Variants in LSAMP observed in about 807,000 individuals in gnomAD.
LSAMP encodes limbic system-associated membrane protein.
LSAMP carries 7 observed loss-of-function variants against 38.6 expected under a neutral mutation model. That is an observed-to-expected ratio of 0.18 (90% CI 0.10 to 0.34). The LOEUF is 0.34. LSAMP is among the 10% of genes least tolerant of loss of function. The pLI, the probability that LSAMP is intolerant of heterozygous loss-of-function variation, is 1.00. For synonymous variants in LSAMP, 154 were observed against 166.8 expected, an observed-to-expected ratio of 0.92 and a Z score of 0.59; for missense variants, 313 against 420.0, an observed-to-expected ratio of 0.75 and a Z score of 2.23.
At chr3:116,025,991 T>C (rs1166962339) in intron 2 of LSAMP, among the ~76,000 whole-genome samples, 1 of 152,188 alleles carries the variant, frequency 6.6e-6, no homozygotes, top group Non-Finnish European at 1.5e-5. Flanking sequence ...GTGATCATAG[T>C]TCACTGCATC....
Position 115,946,584 on chromosome 3 carries a change from A to G in LSAMP, c.514+72931T>C, listed in dbSNP as rs542710486. ...AAAAACAATTTACCAAAATTGGCACAAGAAATACCAGAAATTCTAAATAGC... is the reference window on the plus strand; with the variant it reads ...AAAAACAATTTACCAAAATTGGCACGAGAAATACCAGAAATTCTAAATAGC... On this transcript the variant is annotated intron_variant, in intron 3 of 6. Coordinates refer to ENST00000490035, the MANE Select transcript of LSAMP (RefSeq NM_002338.5). Among the ~76,000 whole-genome samples the G allele has an allele frequency of 3.3e-5, 5 of 152,342 alleles. No homozygotes were observed. The East Asian group carries it at 7.7e-4, about 24-fold the overall frequency.
intron 6 of LSAMP, chr3:115,816,595 C>T (rs1041396123): frequency 1.0e-5 from 13 of 1,280,560 alleles, no homozygotes; most frequent in Middle Eastern, 4.5e-4. Context: ...TGGAAGGTAA[C>T]CAAAAATAAG....
chr3:116,305,318 G>A (rs2047467545), intron 1 of LSAMP, among the ~76,000 whole-genome samples: 1 of 152,032 alleles, frequency 6.6e-6, no homozygotes, highest in South Asian at 2.1e-4. Flanking sequence ...CATAAACCTG[G>A]TACAGTTCTA....
At chr3:115,888,433 C>T (rs1352664918) in intron 3 of LSAMP, among the ~76,000 whole-genome samples, 1 of 151,932 alleles carries the variant, frequency 6.6e-6, no homozygotes, top group Non-Finnish European at 1.5e-5. Flanking sequence ...AACACCTCTC[C>T]ACTACTTTAC....
At chr3:116,018,651 A>C (rs1220120621) in intron 3 of LSAMP, among the ~76,000 whole-genome samples, 2 of 152,192 alleles carry the variant, frequency 1.3e-5, no homozygotes, top group East Asian at 3.8e-4. Flanking sequence ...ATTTGACAAG[A>C]CATGGTTTTG....
Position 115,852,513 on chromosome 3 carries a change from C to A in LSAMP, c.619G>T (p.Asp207Tyr). 1 of 1,613,138 alleles carries A rather than the reference C, an allele frequency of 6.2e-7. No individual in the cohort carries two copies. Among genetic ancestry groups the A allele is most frequent in the Non-Finnish European group, 8.5e-7 (1 of 1,179,512 alleles). Residue 207 changes from aspartate (D) to tyrosine (Y), a missense_variant, in exon 4 of 7, where the codon GAT (aspartate) becomes TAT (tyrosine). By Grantham distance (160) the Asp-to-Tyr change is radical (BLOSUM62 -3). Coordinates refer to ENST00000490035, the MANE Select transcript of LSAMP (RefSeq NM_002338.5). ...CKAANEVSSADVKQVKVTVNY... is the reference protein window; with the variant it reads ...CKAANEVSSAYVKQVKVTVNY... ...ACAGTGACCTTGACTTGTTTGACAT[C>A]CGCCGAGGAGACCTCGTTGGCAGCT... is the stretch of plus-strand genomic sequence containing the variant.
chr3:115,873,529 G>T (rs1284198661), intron 3 of LSAMP, among the ~76,000 whole-genome samples: 3 of 151,866 alleles, frequency 2.0e-5, no homozygotes, highest in African/African-American at 7.3e-5. Context: ...CAAAATATGA[G>T]CTATTTAGTA....
chr3:116,069,005 C>A (rs1351115482), intron 2 of LSAMP, among the ~76,000 whole-genome samples: 1 of 152,224 alleles, frequency 6.6e-6, no homozygotes, highest in Non-Finnish European at 1.5e-5. Flanking sequence ...CAAGATATCA[C>A]TTTACATAAA....
intron 1 of LSAMP, among the ~76,000 whole-genome samples, chr3:116,093,595 T>C (rs189879997): frequency 2.0e-4 from 30 of 152,358 alleles, no homozygotes; most frequent in African/African-American, 6.5e-4. Context: ...TTTGTTGTTT[T>C]ACTTTAGTTT....
intron 4 of LSAMP, among the ~76,000 whole-genome samples, chr3:115,843,688 A>T (rs2918223): frequency 0.44 from 66,358 of 150,198 alleles, 15,724 homozygotes; most frequent in African/African-American, 0.63. Context: ...TGTTTCTGAT[A>T]TTTTTTTTTT....
chr3:116,357,537 TA>T (rs1327703850), intron 1 of LSAMP, among the ~76,000 whole-genome samples: 1 of 152,148 alleles, frequency 6.6e-6, no homozygotes, highest in Non-Finnish European at 1.5e-5. Context: ...ACATGGTAAC[TA>T]AATTATTCCC....
intron 1 of LSAMP, among the ~76,000 whole-genome samples, chr3:116,383,898 T>A (rs17647031): frequency 0.061 from 9,289 of 152,170 alleles, 389 homozygotes; most frequent in Middle Eastern, 0.13. Flanking sequence ...ATTACCCATT[T>A]TTCACACATT....
intron 1 of LSAMP, among the ~76,000 whole-genome samples, chr3:116,168,275 C>A (rs1055030802): frequency 1.3e-5 from 2 of 151,992 alleles, no homozygotes; most frequent in Admixed American, 6.5e-5. Context: ...GAGATGATAT[C>A]CCTGGAGGGG....
chr3:116,183,963 A>G (rs1345692724), intron 1 of LSAMP, among the ~76,000 whole-genome samples: 1 of 151,670 alleles, frequency 6.6e-6, no homozygotes, highest in Non-Finnish European at 1.5e-5. Context: ...GTGAATGGAT[A>G]CAGGAGCAAT....
chr3:116,053,130 A>G (rs907620810), intron 2 of LSAMP, among the ~76,000 whole-genome samples: 59 of 152,234 alleles, frequency 3.9e-4, no homozygotes, highest in African/African-American at 1.4e-3. Flanking sequence ...AGTAAAACTG[A>G]GAACCATATC....
intron 1 of LSAMP, among the ~76,000 whole-genome samples, chr3:116,257,252 A>G (rs562543316): frequency 6.6e-6 from 1 of 152,324 alleles, no homozygotes; most frequent in South Asian, 2.1e-4. Flanking sequence ...CAAATGGAGT[A>G]TGCCCAATCT....
At chr3:115,937,206 C>T (rs1401212622) in intron 3 of LSAMP, among the ~76,000 whole-genome samples, 1 of 152,082 alleles carries the variant, frequency 6.6e-6, no homozygotes, top group Non-Finnish European at 1.5e-5. Context: ...AGAGAACCTA[C>T]CATTTAATCG....
chr3:116,424,013 A>T (rs1232386870), intron 1 of LSAMP, among the ~76,000 whole-genome samples: 1 of 152,170 alleles, frequency 6.6e-6, no homozygotes, highest in Non-Finnish European at 1.5e-5. Flanking sequence ...CTAAAAAGGG[A>T]ATAGAGAGAG....
chr3:115,862,760 A>G (rs1935743883), intron 3 of LSAMP, among the ~76,000 whole-genome samples: 1 of 152,216 alleles, frequency 6.6e-6, no homozygotes, highest in African/African-American at 2.4e-5. Flanking sequence ...CAAGCTAAAA[A>G]TTACTCCATC....
Sources: gnomAD v4.1 joint callset for allele counts (sites outside exome capture counted in the v4.1 genomes callset) on GRCh38, gnomAD v4.1.1 for gene constraint, MANE v1.5 for transcripts, NCBI Gene and HGNC (gene_info 2026-07-23, HGNC 2026-07-21) for gene names.